The following SORL1 variants were observed in gnomAD, a reference collection of about 807,000 sequenced individuals.
SORL1 encodes the protein sortilin related receptor 1.
Under a neutral mutation model 273.7 loss-of-function variants are expected in SORL1, and 127 were observed. The ratio of observed to expected loss-of-function variants is 0.46; its 90% CI spans 0.40 to 0.54. The LOEUF is 0.54. SORL1 is among the 20% of genes least tolerant of loss of function. The probability of loss-of-function intolerance (pLI) is 0.00; values close to 1 mark genes in which losing one functional copy is unlikely to be tolerated. For missense variants in SORL1, 2,494 were observed against 2,846.1 expected (o/e 0.88, Z 2.81); for synonymous variants, 1,031 against 1,067.4 (o/e 0.97, Z 0.66).
chr11:121,555,860 C>CTT (rs1461002631), intron 18 of SORL1, among the ~76,000 whole-genome samples: 5 of 151,894 alleles, frequency 3.3e-5, no homozygotes, highest in African/African-American at 9.7e-5. Flanking sequence ...GACCTCTAAA[C>CTT]TGCCAAATCT....
At chr11:121,457,657 C>T (rs910069662) in intron 1 of SORL1, among the ~76,000 whole-genome samples, 4 of 152,188 alleles carry the variant, frequency 2.6e-5, no homozygotes, top group African/African-American at 7.2e-5. Context: ...AAACCTCATT[C>T]TCCTTTCACT....
chr11:121,486,655 A>G (rs11605510), intron 3 of SORL1, among the ~76,000 whole-genome samples: 15,840 of 151,178 alleles, frequency 0.1, 1,025 homozygotes, highest in African/African-American at 0.18. Flanking sequence ...AATTTTTCGT[A>G]TTTTTAGTAG....
Position 121,621,126 on chromosome 11 carries a change from C to T in SORL1, c.5952C>T (p.Ser1984=). The T allele has an allele frequency of 6.2e-7, 1 of 1,613,806 alleles. No individual in the cohort carries two copies. Among genetic ancestry groups the T allele is most frequent in the Non-Finnish European group, 8.5e-7 (1 of 1,179,766 alleles). ...CTGACAGGAGCTACAAAGTAAAATC[C>T]CGTAACAGCACTGTGGAATACACCC... The part of the protein sequence containing the change: ...RKTDRSYKVK[S]RNSTVEYTLN... Residue 1984 remains serine, a synonymous_variant, in exon 44 of 48, where the codon TCC becomes TCT. Coordinates refer to ENST00000260197, the MANE Select transcript of SORL1 (RefSeq NM_003105.6).
chr11:121,493,834 A>G (rs1324302255), intron 5 of SORL1, among the ~76,000 whole-genome samples: 1 of 152,196 alleles, frequency 6.6e-6, no homozygotes, highest in Non-Finnish European at 1.5e-5. Flanking sequence ...CTTCCTTAGT[A>G]ATAGAGGTAA....
intron 8 of SORL1, among the ~76,000 whole-genome samples, chr11:121,518,804 T>C (rs1467715394): frequency 6.6e-6 from 1 of 152,128 alleles, no homozygotes; most frequent in Non-Finnish European, 1.5e-5. Flanking sequence ...TGTTTGGGTC[T>C]TTCTGTCTGA....
Position 121,545,241 on chromosome 11 carries a change from A to C in SORL1, c.1865-2A>C, listed in dbSNP as rs1862408224. The C allele has an allele frequency of 6.2e-7, 1 of 1,613,946 alleles. No homozygotes were observed. Among genetic ancestry groups the C allele is most frequent in the Non-Finnish European group, 8.5e-7 (1 of 1,179,876 alleles). On this transcript the variant is annotated splice_acceptor_variant, in intron 13 of 47. Transcript: ENST00000260197. LOFTEE classifies it high-confidence loss of function. ...CTTCGTGCTGTGTTCCTTTTTCTTT[A>C]GGAGTTCCCTGCACAGAGAATGACT...
At chr11:121,506,249 A>T (rs1474445969) in intron 6 of SORL1, among the ~76,000 whole-genome samples, 1 of 152,142 alleles carries the variant, frequency 6.6e-6, no homozygotes, top group Non-Finnish European at 1.5e-5. Flanking sequence ...TTTGCCTATT[A>T]TTATAGCTAT....
rs534778129 is a variant in SORL1 at position 121,545,000 on chromosome 11, A to T, written c.1865-243A>T. 3.9e-5 allele frequency among the ~76,000 whole-genome samples: 6 copies of T among 152,288 alleles called. No homozygotes were observed. The South Asian group carries it at 1.0e-3, about 26-fold the overall frequency. ...CTTCTGTAATGTTTCGGAAATTTGG[A>T]TAGTGCCTAAAGGTGGCTTGCTTCT... On this transcript the variant is annotated intron_variant, in intron 13 of 47. Transcript: ENST00000260197.
chr11:121,507,066 A>C (rs925399055), intron 6 of SORL1, among the ~76,000 whole-genome samples: 2 of 152,212 alleles, frequency 1.3e-5, no homozygotes, highest in Non-Finnish European at 2.9e-5. Flanking sequence ...AGTAGTGTAC[A>C]AAATCTTTGT....
At position 121,557,350 on chromosome 11, in the gene SORL1, G is replaced by C. The variant is rs150245521; in HGVS notation, c.2608G>C (p.Val870Leu). The change falls in exon 19 of 48, where the codon GTC (valine) becomes CTC (leucine). Residue 870 changes from valine (V) to leucine (L), a missense_variant. Coordinates refer to ENST00000260197, the MANE Select transcript of SORL1 (RefSeq NM_003105.6). Reference sequence around the variant, plus strand: ...AGATGGCGACTTCCGACTCACAATCGTCAATTCCTCTGTGCTTGATCGTCC... The same window carrying C: ...AGATGGCGACTTCCGACTCACAATCCTCAATTCCTCTGTGCTTGATCGTCC... Reference protein sequence around the residue: ...NPDGDFRLTIVNSSVLDRPRA... With the variant: ...NPDGDFRLTILNSSVLDRPRA... 1 of 1,614,092 alleles carries C rather than the reference G, an allele frequency of 6.2e-7. No individual in the cohort carries two copies. The highest frequency in any genetic ancestry group is 8.5e-7 in the Non-Finnish European group (1 of 1,179,976).
At chr11:121,621,286 T>C in intron 44 of SORL1, 48 bp downstream of exon 44, 1 of 1,523,444 alleles carries the variant, frequency 6.6e-7, no homozygotes, top group Non-Finnish European at 9.0e-7. Context: ...CTGCCCTCAG[T>C]GCTGTGCCGC....
intron 5 of SORL1, among the ~76,000 whole-genome samples, chr11:121,494,489 C>T (rs1266748527): frequency 6.6e-6 from 1 of 152,104 alleles, no homozygotes; most frequent in Admixed American, 6.6e-5. Context: ...TCAAAGATAC[C>T]CTGTGGAGCA....
At chr11:121,562,773 A>G (rs978054127) in intron 21 of SORL1, among the ~76,000 whole-genome samples, 1 of 152,220 alleles carries the variant, frequency 6.6e-6, no homozygotes, top group African/African-American at 2.4e-5. Flanking sequence ...GGAGGAAAAA[A>G]AATCTTACAC....
Position 121,586,290 on chromosome 11 carries a change from C to A in SORL1, c.3775C>A (p.Leu1259Met). Residue 1259 changes from leucine to methionine, a missense_variant, in exon 27 of 48, where the codon CTG becomes ATG. By Grantham distance (15) the Leu-to-Met change is conservative (BLOSUM62 2). This residue lies in a region of SORL1 where 1,609 missense variants were observed against 1,816.4 expected (regional missense o/e 0.89). Coordinates refer to ENST00000260197, the MANE Select transcript of SORL1 (RefSeq NM_003105.6). ...CIPSSKHCDG[L>M]RDCSDGSDEQ... ...CCCATCCAGCAAACATTGTGATGGT[C>A]TGCGTGATTGCTCTGATGGCTCCGA... The A allele has an allele frequency of 6.2e-7, 1 of 1,614,138 alleles. No individual in the cohort carries two copies. Among genetic ancestry groups the A allele is most frequent in the Non-Finnish European group, 8.5e-7 (1 of 1,179,976 alleles).
chr11:121,459,459 G>A (rs944116930), intron 1 of SORL1, among the ~76,000 whole-genome samples: 2 of 152,190 alleles, frequency 1.3e-5, no homozygotes, highest in African/African-American at 4.8e-5. Flanking sequence ...GGAGACAGTG[G>A]TCCTTCTTTC....
In SORL1 at chr11:121,555,545, G is replaced by A. The variant is rs151223453; in HGVS notation, c.2571+227G>A. Reference sequence around the variant, plus strand: ...GAAGCTTAGCTAATAACAATAAATGGTAATATTTTTATTTTATTTATATAT... The same window carrying A: ...GAAGCTTAGCTAATAACAATAAATGATAATATTTTTATTTTATTTATATAT... On this transcript the variant is annotated intron_variant, in intron 18 of 47. Transcript: ENST00000260197. Among the ~76,000 whole-genome samples, 1,065 of 151,818 alleles carry A rather than the reference G, an allele frequency of 7.0e-3. 12 individuals carry two copies. Among genetic ancestry groups the A allele is most frequent in the Non-Finnish European group, 0.011 (772 of 67,918 alleles).
intron 3 of SORL1, among the ~76,000 whole-genome samples, chr11:121,480,097 G>A (rs577924537): frequency 7.9e-5 from 12 of 152,124 alleles, no homozygotes; most frequent in Non-Finnish European, 1.5e-4. Context: ...TCTGTGGATG[G>A]ATCCATATGC....
chr11:121,586,932 G>A (rs764339946), intron 27 of SORL1, among the ~76,000 whole-genome samples: 3 of 152,158 alleles, frequency 2.0e-5, no homozygotes, highest in Admixed American at 1.3e-4. Flanking sequence ...TGATTCTACT[G>A]TGCAGTCCGG....
chr11:121,611,759 G>A (rs1045107114), intron 39 of SORL1: 1 of 152,360 alleles, frequency 6.6e-6, no homozygotes, highest in African/African-American at 2.4e-5. Context: ...GTTGGGACAA[G>A]TTGGGACAAG....
Sources: gnomAD v4.1 joint callset for allele counts (sites outside exome capture counted in the v4.1 genomes callset) on GRCh38, gnomAD v4.1.1 for gene constraint, gnomAD v4.1.1 regional missense constraint, MANE v1.5 for transcripts, NCBI Gene and HGNC (gene_info 2026-07-23, HGNC 2026-07-21) for gene names.